ZMYND11: variants seen among roughly 807,000 people sequenced by gnomAD.
ZMYND11 encodes the protein zinc finger MYND domain-containing protein 11.
ZMYND11 carries 9 observed loss-of-function variants against 84.9 expected under a neutral mutation model. The ratio of observed to expected loss-of-function variants is 0.11; its 90% CI spans 0.06 to 0.18. The LOEUF is 0.18. Among genes scored for constraint, ZMYND11 ranks in the 10% least tolerant of loss-of-function variants. The probability of loss-of-function intolerance (pLI) is 1.00; values close to 1 mark genes in which losing one functional copy is unlikely to be tolerated. For missense variants in ZMYND11, 409 were observed against 761.0 expected, an observed-to-expected ratio of 0.54 and a Z score of 5.44; for synonymous variants, 250 against 244.1, an observed-to-expected ratio of 1.02 and a Z score of -0.23.
intron 1 of ZMYND11, chr10:147,781 T>C (rs1305722619): frequency 6.6e-6 from 1 of 151,932 alleles, no homozygotes; most frequent in East Asian, 1.9e-4. Flanking sequence ...CAGATATAAC[T>C]ATAATCACAG....
intron 1 of ZMYND11, among the ~76,000 whole-genome samples, chr10:161,719 G>T (rs1205431276): frequency 6.6e-6 from 1 of 152,142 alleles, no homozygotes; most frequent in African/African-American, 2.4e-5. Context: ...GCAATCTTCA[G>T]ACTTTTCTTC....
At chr10:180,591 G>A (rs1265451090) in intron 2 of ZMYND11, among the ~76,000 whole-genome samples, 1 of 152,174 alleles carries the variant, frequency 6.6e-6, no homozygotes, top group Non-Finnish European at 1.5e-5. Flanking sequence ...AGTAGAGAGA[G>A]GGTTTCACCA....
chr10:134,553 G>C (rs963619757), upstream of ZMYND11: 1 of 152,284 alleles, frequency 6.6e-6, no homozygotes, highest in Non-Finnish European at 1.5e-5. Context: ...GAGATGAAAC[G>C]GGGAACTTAG....
chr10:225,624 A>C (rs1947988067), intron 4 of ZMYND11, among the ~76,000 whole-genome samples: 1 of 152,190 alleles, frequency 6.6e-6, no homozygotes, highest in African/African-American at 2.4e-5. Flanking sequence ...CTGGGATTAC[A>C]GGCATGTGCC....
At chr10:245,795 T>C (rs987972571) in intron 10 of ZMYND11, among the ~76,000 whole-genome samples, 2 of 152,200 alleles carry the variant, frequency 1.3e-5, no homozygotes, top group Admixed American at 6.5e-5. Context: ...AATTATTCCT[T>C]AGTTCTTTCT....
chr10:180,299 A>T (rs763714416), intron 2 of ZMYND11, among the ~76,000 whole-genome samples, 171 bp downstream of exon 2: 11 of 152,218 alleles, frequency 7.2e-5, no homozygotes, highest in Non-Finnish European at 1.6e-4. Flanking sequence ...ACATACACAA[A>T]CAACTTGTGT....
intron 2 of ZMYND11, among the ~76,000 whole-genome samples, chr10:192,542 C>T (rs1457145054): frequency 6.6e-6 from 1 of 152,174 alleles, no homozygotes; most frequent in East Asian, 1.9e-4. Flanking sequence ...TTTTCAGTAC[C>T]ACAGATGACA....
At chr10:155,456 C>G (rs1841469973) in intron 1 of ZMYND11, among the ~76,000 whole-genome samples, 1 of 152,088 alleles carries the variant, frequency 6.6e-6, no homozygotes, top group Admixed American at 6.5e-5. Context: ...TGAGACCAGC[C>G]TGGGCAATAT....
intron 2 of ZMYND11, among the ~76,000 whole-genome samples, chr10:192,155 CTGTA>C (rs1189928821): frequency 1.3e-5 from 2 of 152,122 alleles, no homozygotes; most frequent in Admixed American, 1.3e-4. Flanking sequence ...TTCACGGTGC[CTGTA>C]TGTGTCATCT....
chr10:170,454 G>GTA lies in ZMYND11; in HGVS notation c.-19-9539_-19-9538insAT, dbSNP rs1588623361. 4.5e-5 allele frequency among the ~76,000 whole-genome samples: 6 copies of GTA among 133,150 alleles called. No individual in the cohort carries two copies. In the East Asian group the frequency reaches 1.4e-3, roughly 32 times the overall value. The allele number at this position is 133,150 out of a possible 152,430, so 87.4% of individuals were successfully genotyped here. On this transcript the variant is annotated intron_variant, in intron 1 of 14. Transcript: ENST00000381604. ...TGCGTGTGTGTGTGTGTGTGTGTGT[G>GTA]TGCGTGCTTATGGGTAAGTAAAATG...
chr10:162,439 A>ATT (rs782016085), intron 1 of ZMYND11, among the ~76,000 whole-genome samples: 61 of 146,946 alleles, frequency 4.2e-4, no homozygotes, highest in Middle Eastern at 3.5e-3. Flanking sequence ...GCCACATCAG[A>ATT]TTTTTTTTTT....
Position 209,954 on chromosome 10 carries a change from A to G in ZMYND11, c.182A>G (p.Lys61Arg). 6.2e-7 allele frequency: 1 copy of G among 1,614,128 alleles called. No individual in the cohort carries two copies. The highest frequency in any genetic ancestry group is 8.5e-7 in the Non-Finnish European group (1 of 1,179,994). ...ETTRQLSLAV[K>R]DGLIVETLTV... is the part of the protein sequence containing the mutation. ...ACCCGTCAGCTGAGCTTAGCTGTGA[A>G]AGATGGTCTTATTGTCGAAACTCTA... The change falls in exon 3 of 15, where the codon AAA becomes AGA. Residue 61 changes from lysine to arginine, a missense_variant. Coordinates refer to ENST00000381604, the MANE Select transcript of ZMYND11 (RefSeq NM_001370100.5).
chr10:184,635 C>A (rs1457753716), intron 2 of ZMYND11, among the ~76,000 whole-genome samples: 4 of 152,124 alleles, frequency 2.6e-5, no homozygotes, highest in African/African-American at 9.7e-5. Flanking sequence ...ACCGTAGATT[C>A]TAGCTTCCTT....
At chr10:229,489 G>A (rs997211934) in intron 4 of ZMYND11, among the ~76,000 whole-genome samples, 3 of 152,108 alleles carry the variant, frequency 2.0e-5, no homozygotes, top group African/African-American at 7.2e-5. Context: ...CCAGTTGGCA[G>A]ATAATCTGTG....
rs568695593 is a variant in ZMYND11, at chr10:180,717, A to G, written c.116+589A>G. 3.9e-5 allele frequency among the ~76,000 whole-genome samples: 6 copies of G among 152,306 alleles called. No individual in the cohort carries two copies. In the South Asian group the frequency reaches 1.0e-3, roughly 26 times the overall value. On this transcript the variant is annotated intron_variant, in intron 2 of 14. Transcript: ENST00000381604. Reference sequence around the variant, plus strand: ...ACCTGGCCAGAGATTCTTTTATTAAAAACACCTTTAGTGAATCACTTTTAT... The same window carrying G: ...ACCTGGCCAGAGATTCTTTTATTAAGAACACCTTTAGTGAATCACTTTTAT...
intron 1 of ZMYND11, among the ~76,000 whole-genome samples, chr10:144,148 A>T (rs1838147721): frequency 6.6e-6 from 1 of 152,220 alleles, no homozygotes; most frequent in South Asian, 2.1e-4. Flanking sequence ...ATTTAAAGTT[A>T]GACTTTCTCT....
At position 253,301 on chromosome 10, in the gene ZMYND11, G is replaced by C. The variant is rs760312613; in HGVS notation, c.*831G>C. ...ATGTGAAATTATAGATGAGGCATAC[G>C]AATTTGTTTAATGCTTCCCTTCCCT... On this transcript the variant is annotated 3_prime_UTR_variant, in exon 15 of 15. Coordinates refer to ENST00000381604, the MANE Select transcript of ZMYND11 (RefSeq NM_001370100.5). 1.3e-5 allele frequency: 2 copies of C among 152,612 alleles called. No homozygotes were observed. Among genetic ancestry groups the C allele is most frequent in the Non-Finnish European group, 2.9e-5 (2 of 68,030 alleles). The allele number at this position is 152,612 out of a possible 1,614,324, so 9.5% of individuals were successfully genotyped here. A position where few individuals can be genotyped will look rare whatever the true frequency, so the allele number is the denominator to read the frequency against.
At chr10:152,930 T>C (rs1840758757) in intron 1 of ZMYND11, among the ~76,000 whole-genome samples, 1 of 152,198 alleles carries the variant, frequency 6.6e-6, no homozygotes, top group African/African-American at 2.4e-5. Context: ...CTCAACTACA[T>C]GGAAACTGAA....
chr10:178,456 C>A (rs1847141109), intron 1 of ZMYND11, among the ~76,000 whole-genome samples: 1 of 152,122 alleles, frequency 6.6e-6, no homozygotes, highest in South Asian at 2.1e-4. Context: ...AAATCCTTAC[C>A]AATGAATTCC....
Sources: allele counts gnomAD v4.1 joint callset (sites outside exome capture counted in the v4.1 genomes callset), GRCh38; gene constraint gnomAD v4.1.1; transcripts MANE v1.5; gene names NCBI Gene and HGNC (gene_info 2026-07-23, HGNC 2026-07-21).